Variants in WDR7 observed in about 807,000 individuals in gnomAD.
The protein encoded by WDR7 is WD repeat domain 7.
WDR7 carries 46 observed loss-of-function variants against 169.4 expected under a neutral mutation model. The ratio of observed to expected loss-of-function variants is 0.27; its 90% CI spans 0.21 to 0.35. The LOEUF (loss-of-function observed/expected upper bound fraction) is 0.35. Among genes scored for constraint, WDR7 ranks in the 10% least tolerant of loss-of-function variants. The probability of loss-of-function intolerance (pLI) is 1.00; values close to 1 mark genes in which losing one functional copy is unlikely to be tolerated. For synonymous variants in WDR7, 612 were observed against 666.8 expected (o/e 0.92, Z 1.27); for missense variants, 1,534 against 1,859.3 (o/e 0.83, Z 3.22).
intron 21 of WDR7, among the ~76,000 whole-genome samples, chr18:56,885,799 C>A (rs2046181941): frequency 6.6e-6 from 1 of 150,728 alleles, no homozygotes; most frequent in Non-Finnish European, 1.5e-5. Flanking sequence ...TGCACTCCAG[C>A]CTAGGCGACA....
intron 27 of WDR7, among the ~76,000 whole-genome samples, chr18:57,023,558 A>G (rs1234450742): frequency 1.3e-5 from 2 of 152,228 alleles, no homozygotes; most frequent in Non-Finnish European, 2.9e-5. Context: ...ATAATCTTCA[A>G]AGAACCAGTT....
chr18:56,671,396 C>G (rs596085), intron 1 of WDR7, among the ~76,000 whole-genome samples: 1 of 151,062 alleles, frequency 6.6e-6, no homozygotes, highest in Non-Finnish European at 1.5e-5. Context: ...TCAAGCCTCT[C>G]AAGTAGCTGG....
chr18:56,886,947 C>T (rs530329149), intron 21 of WDR7, among the ~76,000 whole-genome samples: 46 of 152,144 alleles, frequency 3.0e-4, no homozygotes, highest in African/African-American at 1.1e-3. Flanking sequence ...TATATATACA[C>T]CTAACACTGG....
rs116519889 is a variant in WDR7, at chr18:57,003,555, C to G, written c.4165-17190C>G. On this transcript the variant is annotated intron_variant, in intron 26 of 27. Coordinates refer to ENST00000254442, the MANE Select transcript of WDR7 (RefSeq NM_015285.3). ...TAGAATGAACAAAACCATGTTGTTA[C>G]TCAGGTTTTTGATCTCCATAAATAG... is the stretch of plus-strand genomic sequence containing the variant. 1.6e-3 allele frequency among the ~76,000 whole-genome samples: 249 copies of G among 152,098 alleles called. 2 individuals are homozygous for G. The highest frequency in any genetic ancestry group is 6.8e-3 in the Middle Eastern group (2 of 294).
At chr18:56,685,806 G>T in intron 5 of WDR7, 150 bp from the exon 6 acceptor site, 2 of 588,486 alleles carry the variant, frequency 3.4e-6, no homozygotes, top group Non-Finnish European at 5.8e-6. Context: ...TCAAAACCTG[G>T]TTTCTGTTTC....
chr18:56,949,854 A>G (rs1194537571), intron 25 of WDR7, among the ~76,000 whole-genome samples: 1 of 152,226 alleles, frequency 6.6e-6, no homozygotes, highest in Non-Finnish European at 1.5e-5. Flanking sequence ...TAACAATATT[A>G]AAATAGCACA....
At chr18:56,744,928 A>G (rs930332746) in intron 14 of WDR7, among the ~76,000 whole-genome samples, 1 of 152,156 alleles carries the variant, frequency 6.6e-6, no homozygotes, top group East Asian at 1.9e-4. Context: ...GTGCATGGCC[A>G]TGGGAGTGGC....
At chr18:56,706,837 T>C (rs2025967501) in intron 12 of WDR7, among the ~76,000 whole-genome samples, 1 of 151,046 alleles carries the variant, frequency 6.6e-6, no homozygotes, top group East Asian at 2.0e-4. Flanking sequence ...ACTGGTGAAT[T>C]CCACCACACC....
At chr18:56,772,396 C>T (rs1469609238) in intron 16 of WDR7, among the ~76,000 whole-genome samples, 1 of 152,118 alleles carries the variant, frequency 6.6e-6, no homozygotes, top group African/African-American at 2.4e-5. Context: ...GTGGCAGATA[C>T]AAGCAGGGCT....
chr18:56,947,020 C>A (rs1045420642), intron 25 of WDR7, among the ~76,000 whole-genome samples: 4 of 152,128 alleles, frequency 2.6e-5, no homozygotes, highest in Non-Finnish European at 5.9e-5. Context: ...AATATAGTGT[C>A]ATCTACTAAT....
intron 23 of WDR7, among the ~76,000 whole-genome samples, chr18:56,938,325 T>C: frequency 6.6e-6 from 1 of 152,254 alleles, no homozygotes; most frequent in South Asian, 2.1e-4. Flanking sequence ...TCTCATATAA[T>C]GTTCAGGAAC....
At chr18:56,848,166 A>G (rs112147553) in intron 20 of WDR7, among the ~76,000 whole-genome samples, 1 of 152,210 alleles carries the variant, frequency 6.6e-6, no homozygotes. Context: ...CCCCTTGCAC[A>G]GTGTGTCCTG....
At chr18:56,841,975 T>C (rs1017392725) in intron 20 of WDR7, among the ~76,000 whole-genome samples, 2 of 152,258 alleles carry the variant, frequency 1.3e-5, no homozygotes, top group Admixed American at 6.5e-5. Context: ...GTTGAAATAC[T>C]GATTACTCAC....
At chr18:56,938,736 A>C in intron 24 of WDR7, 54 bp downstream of exon 24, 1 of 1,589,370 alleles carries the variant, frequency 6.3e-7, no homozygotes, top group Non-Finnish European at 8.6e-7. Flanking sequence ...AAATATTCTA[A>C]TGAAGTAATA....
chr18:56,817,112 A>T (rs2044986436), intron 20 of WDR7, among the ~76,000 whole-genome samples: 2 of 152,134 alleles, frequency 1.3e-5, no homozygotes, highest in South Asian at 4.1e-4. Context: ...TGGGAGGCCG[A>T]GGTGGGCAGA....
intron 1 of WDR7, among the ~76,000 whole-genome samples, chr18:56,664,679 T>C (rs929130687): frequency 2.6e-5 from 4 of 152,168 alleles, no homozygotes; most frequent in Non-Finnish European, 5.9e-5. Flanking sequence ...TAAATACATA[T>C]TGACCCCTAG....
intron 26 of WDR7, among the ~76,000 whole-genome samples, chr18:57,000,367 A>G (rs1240560600): frequency 6.6e-6 from 1 of 152,178 alleles, no homozygotes; most frequent in Non-Finnish European, 1.5e-5. Flanking sequence ...TTAATAAAAA[A>G]GGTGTCAATT....
At chr18:56,745,401 C>G (rs1289303486) in intron 14 of WDR7, among the ~76,000 whole-genome samples, 1 of 152,182 alleles carries the variant, frequency 6.6e-6, no homozygotes, top group East Asian at 1.9e-4. Context: ...CACGCCCCAA[C>G]CTTTTTGGCA....
downstream of WDR7, chr18:57,033,503 C>G (rs1257249829): frequency 6.6e-6 from 1 of 152,178 alleles, no homozygotes; most frequent in Non-Finnish European, 1.5e-5. Context: ...CACTCGAAAT[C>G]CATAAGTCAA....
Sources: allele counts gnomAD v4.1 joint callset (sites outside exome capture counted in the v4.1 genomes callset), GRCh38; gene constraint gnomAD v4.1.1; transcripts MANE v1.5; gene names NCBI Gene and HGNC (gene_info 2026-07-23, HGNC 2026-07-21).